Variants in CDH11 observed in about 807,000 individuals in gnomAD.
CDH11 encodes the protein cadherin-11.
Under a neutral mutation model 67.8 loss-of-function variants are expected in CDH11, and 11 were observed. The ratio of observed to expected loss-of-function variants is 0.16; its 90% CI spans 0.10 to 0.27. The LOEUF (loss-of-function observed/expected upper bound fraction) is 0.27. CDH11 is among the 10% of genes least tolerant of loss of function. CDH11 has a pLI of 1.00. For synonymous variants in CDH11, 419 were observed against 400.0 expected (o/e 1.05, Z -0.57); for missense variants, 847 against 1,031.2 (o/e 0.82, Z 2.45).
intron 12 of CDH11, among the ~76,000 whole-genome samples, 154 bp from the exon 13 acceptor site, chr16:64,948,253 G>C (rs1183880461): frequency 6.6e-6 from 1 of 152,164 alleles, no homozygotes; most frequent in African/African-American, 2.4e-5. Flanking sequence ...AATCCCTAAG[G>C]ATGTGTAAAA....
chr16:65,037,920 C>A (rs1301291611), intron 2 of CDH11, among the ~76,000 whole-genome samples: 2 of 152,156 alleles, frequency 1.3e-5, no homozygotes, highest in African/African-American at 4.8e-5. Flanking sequence ...CTGAATCCAA[C>A]CCCTCTGATG....
At chr16:64,987,141 A>T (rs1486207921) in intron 7 of CDH11, 1 of 152,216 alleles carries the variant, frequency 6.6e-6, no homozygotes, top group African/African-American at 2.4e-5. Flanking sequence ...AATGCTCCAT[A>T]CACTTTCATG....
At chr16:65,099,824 A>C (rs1399768606) in intron 1 of CDH11, among the ~76,000 whole-genome samples, 1 of 152,138 alleles carries the variant, frequency 6.6e-6, no homozygotes, top group Non-Finnish European at 1.5e-5. Flanking sequence ...AGCAGGGGTA[A>C]TATGAGCTGC....
chr16:65,012,186 A>G (rs1216067911), intron 2 of CDH11, among the ~76,000 whole-genome samples: 1 of 152,232 alleles, frequency 6.6e-6, no homozygotes, highest in Non-Finnish European at 1.5e-5. Context: ...TTTGTAAAGT[A>G]TCGGTCCTGT....
chr16:64,973,125 TC>T, intron 8 of CDH11, 85 bp from the exon 9 acceptor site: 1 of 1,274,062 alleles, frequency 7.8e-7, no homozygotes, highest in Non-Finnish European at 1.1e-6. Flanking sequence ...TATATTTAAA[TC>T]AAGCTTCTCA....
At chr16:65,083,837 T>C (rs2074651365) in intron 1 of CDH11, among the ~76,000 whole-genome samples, 1 of 152,146 alleles carries the variant, frequency 6.6e-6, no homozygotes, top group Admixed American at 6.5e-5. Flanking sequence ...AAAAATTGAA[T>C]CTGAATCAGA....
intron 2 of CDH11, among the ~76,000 whole-genome samples, chr16:65,044,437 C>A (rs576784203): frequency 6.6e-6 from 1 of 151,744 alleles, no homozygotes; most frequent in South Asian, 2.1e-4. Flanking sequence ...CTCTTTAAAC[C>A]AAAATGGTCA....
intron 2 of CDH11, among the ~76,000 whole-genome samples, chr16:65,022,511 G>C (rs1036622034): frequency 5.3e-5 from 8 of 152,152 alleles, no homozygotes; most frequent in African/African-American, 1.9e-4. Flanking sequence ...CCACTAAATA[G>C]AAGTTTTTCT....
chr16:65,043,049 C>T (rs2073893258), intron 2 of CDH11, among the ~76,000 whole-genome samples: 2 of 152,224 alleles, frequency 1.3e-5, no homozygotes, highest in Non-Finnish European at 2.9e-5. Flanking sequence ...GACCAGAATG[C>T]TCTGAAAGTT....
intron 11 of CDH11, among the ~76,000 whole-genome samples, chr16:64,953,644 A>G (rs1597008884): frequency 3.3e-5 from 5 of 152,230 alleles, no homozygotes; most frequent in Admixed American, 2.6e-4. Context: ...CCATTGTTCC[A>G]TACTTAGCAA....
At chr16:65,112,761 T>C (rs1453726232) in intron 1 of CDH11, among the ~76,000 whole-genome samples, 1 of 152,158 alleles carries the variant, frequency 6.6e-6, no homozygotes, top group Non-Finnish European at 1.5e-5. Context: ...GGACAGAGCT[T>C]AAGGCCAGGG....
At chr16:65,048,632 G>A (rs1314325424) in intron 2 of CDH11, among the ~76,000 whole-genome samples, 1 of 151,584 alleles carries the variant, frequency 6.6e-6, no homozygotes, top group African/African-American at 2.4e-5. Context: ...AAAGAATGTA[G>A]TGTGTGTATA....
chr16:64,971,567 C>G lies in CDH11; in HGVS notation c.1642+12G>C. ...TCTACTTCTCTGAATGCGTAGGAAC[C>G]TTAGTACAAACCTCGGTTGTCTCTG... is the stretch of plus-strand genomic sequence containing the variant. On this transcript the variant is annotated intron_variant, in intron 11 of 12. Coordinates refer to ENST00000268603, the MANE Select transcript of CDH11 (RefSeq NM_001797.4). 6.5e-7 allele frequency: 1 copy of G among 1,528,006 alleles called. No individual in the cohort carries two copies. Among genetic ancestry groups the G allele is most frequent in the Non-Finnish European group, 9.0e-7 (1 of 1,105,016 alleles). The allele number at this position is 1,528,006 out of a possible 1,614,324, so 94.7% of individuals were successfully genotyped here. A position where few individuals can be genotyped will look rare whatever the true frequency, so the allele number is the denominator to read the frequency against.
At position 64,998,720 on chromosome 16, in the gene CDH11, GCTCT is replaced by G; in HGVS notation, c.361_364del (p.Arg121ProfsTer5). ...CGCCTGAGCCATCAACGTGTACTGG[GCTCT>G]CTCTTCTCGATCCAACGTCTTGGTG... On this transcript the variant is annotated frameshift_variant, in exon 4 of 13. Coordinates refer to ENST00000268603, the MANE Select transcript of CDH11 (RefSeq NM_001797.4). LOFTEE classifies it high-confidence loss of function. 6.2e-7 allele frequency: 1 copy of G among 1,614,120 alleles called. No individual in the cohort carries two copies. The highest frequency in any genetic ancestry group is 2.2e-5 in the East Asian group (1 of 44,868).
In CDH11 at chr16:64,944,602, TACTCCTG is replaced by T. The variant is rs2071163052; in HGVS notation, c.*2994_*3000del. 4.3e-6 allele frequency: 1 copy of T among 232,104 alleles called. No individual in the cohort carries two copies. Among genetic ancestry groups the T allele is most frequent in the East Asian group, 6.1e-5 (1 of 16,472 alleles). 14.4% of individuals were successfully genotyped at this position (232,104 alleles called of 1,614,324 possible). ...ACAATGACCCAGGAGCAGTTTCAAA[TACTCCTG>T]ACCTGGTTCCACCTGACATACAGAG... is the stretch of plus-strand genomic sequence containing the variant. On this transcript the variant is annotated 3_prime_UTR_variant, in exon 13 of 13. Coordinates refer to ENST00000268603, the MANE Select transcript of CDH11 (RefSeq NM_001797.4).
chr16:65,097,055 T>A (rs2074910761), intron 1 of CDH11, among the ~76,000 whole-genome samples: 1 of 152,198 alleles, frequency 6.6e-6, no homozygotes, highest in Non-Finnish European at 1.5e-5. Flanking sequence ...GTGGATAATA[T>A]CTTTTAAAGC....
At chr16:65,122,305 T>G, upstream of CDH11, 4 of 310,850 alleles carry the variant, frequency 1.3e-5, no homozygotes, top group East Asian at 1.1e-4. Context: ...CCTGGATTCG[T>G]GGCCGCCCCT....
Position 65,051,138 on chromosome 16 carries a change from G to C in CDH11, c.-173+2666C>G, listed in dbSNP as rs79702699. Among the ~76,000 whole-genome samples the C allele has an allele frequency of 5.6e-3, 852 of 152,266 alleles. 10 individuals carry two copies. The highest frequency in any genetic ancestry group is 0.019 in the African/African-American group (790 of 41,552). On this transcript the variant is annotated intron_variant, in intron 2 of 12. Transcript: ENST00000268603. ...CCAAATCATTCTGGTGCGTTTGTAG[G>C]GGAGTGCGATTTTGCTTCTAGGATA...
At chr16:65,059,857 G>A (rs972775123) in intron 1 of CDH11, among the ~76,000 whole-genome samples, 6 of 152,126 alleles carry the variant, frequency 3.9e-5, no homozygotes, top group African/African-American at 1.4e-4. Flanking sequence ...AATATTCACG[G>A]CCTTTGTCAT....
Sources: allele counts gnomAD v4.1 joint callset (sites outside exome capture counted in the v4.1 genomes callset), GRCh38; gene constraint gnomAD v4.1.1; transcripts MANE v1.5; gene names NCBI Gene and HGNC (gene_info 2026-07-23, HGNC 2026-07-21).